Variants in PROX1 observed in about 807,000 individuals in gnomAD.
PROX1 encodes the protein prospero homeobox 1, also known as prospero homeobox protein 1.
Under a neutral mutation model 58.8 loss-of-function variants are expected in PROX1, and 7 were observed. The observed-to-expected ratio is 0.12, with a 90% CI of 0.07 to 0.22. The LOEUF is 0.22. Ranked by LOEUF, PROX1 falls within the 10% of genes least tolerant of loss-of-function variation. PROX1 has a pLI of 1.00. For synonymous variants in PROX1, 350 were observed against 358.3 expected (o/e 0.98, Z 0.26); for missense variants, 675 against 927.8 (o/e 0.73, Z 3.54).
intron 4 of PROX1, among the ~76,000 whole-genome samples, chr1:214,024,072 C>T (rs927612452): frequency 6.6e-6 from 1 of 151,600 alleles, no homozygotes; most frequent in Non-Finnish European, 1.5e-5. Context: ...TTCAACAAGG[C>T]CAGTCCTAGG....
chr1:213,988,968 C>G (rs1662915426), intron 1 of PROX1, among the ~76,000 whole-genome samples: 2 of 152,080 alleles, frequency 1.3e-5, no homozygotes, highest in Admixed American at 1.3e-4. Context: ...CGCTTTCCGC[C>G]AAACCCCATC....
intron 2 of PROX1, 74 bp from the exon 3 acceptor site, chr1:214,005,091 G>C: frequency 8.7e-7 from 1 of 1,155,370 alleles, no homozygotes; most frequent in Non-Finnish European, 1.3e-6. Flanking sequence ...CTCTATGGAG[G>C]TGGGGACTGG....
At position 214,036,523 on chromosome 1, in the gene PROX1, T is replaced by C. The variant is rs1184613825; in HGVS notation, c.*689T>C. 6.6e-6 allele frequency: 1 copy of C among 152,158 alleles called. No homozygotes were observed. The highest frequency in any genetic ancestry group is 2.4e-5 in the African/African-American group (1 of 41,442). The allele number at this position is 152,158 out of a possible 1,614,324, so 9.4% of individuals were successfully genotyped here. Reference sequence around the variant, plus strand: ...CAAAGCAATTTTGCACAAAACCAGCTCTCTCAAGATGAGACTAGAAATTCA... The same window carrying C: ...CAAAGCAATTTTGCACAAAACCAGCCCTCTCAAGATGAGACTAGAAATTCA... On this transcript the variant is annotated 3_prime_UTR_variant, in exon 5 of 5. Coordinates refer to ENST00000366958, the MANE Select transcript of PROX1 (RefSeq NM_001270616.2).
rs774479099 is a variant in PROX1, at chr1:213,996,631, A to G, written c.96A>G (p.Ala32=). The change falls in exon 2 of 5, where the codon GCA becomes GCG. Residue 32 remains alanine (A), a synonymous_variant. Coordinates refer to ENST00000366958, the MANE Select transcript of PROX1 (RefSeq NM_001270616.2). ...AAAGGACGGTAGGGACAGCATCTGCATTTTTTGCTAAGGCAAGAGCAACGT... is the reference window on the plus strand; with the variant it reads ...AAAGGACGGTAGGGACAGCATCTGCGTTTTTTGCTAAGGCAAGAGCAACGT... The part of the protein sequence containing the change: ...GVKRTVGTAS[A]FFAKARATFF... 6.2e-7 allele frequency: 1 copy of G among 1,614,160 alleles called. No homozygotes were observed. Among genetic ancestry groups the G allele is most frequent in the Non-Finnish European group, 8.5e-7 (1 of 1,180,028 alleles).
rs66460564 is a variant in PROX1, at chr1:213,994,750, A to AATATATATAT, written c.-67-1675_-67-1666dup. Among the ~76,000 whole-genome samples, 104 of 88,218 alleles carry AATATATATAT rather than the reference A, an allele frequency of 1.2e-3. 1 individual carries two copies. The highest frequency in any genetic ancestry group is 1.5e-3 in the Non-Finnish European group (67 of 44,678). The allele number at this position is 88,218 out of a possible 152,430, so 57.9% of individuals were successfully genotyped here. On this transcript the variant is annotated intron_variant, in intron 1 of 4. Coordinates refer to ENST00000366958, the MANE Select transcript of PROX1 (RefSeq NM_001270616.2). The stretch of plus-strand genomic sequence containing the variant: ...AAAGTATTTCATTCTCAAGCATGCA[A>AATATATATAT]ATATATATATATATATATATATATA...
chr1:214,001,403 G>A (rs574087005), intron 2 of PROX1, among the ~76,000 whole-genome samples: 1 of 152,164 alleles, frequency 6.6e-6, no homozygotes, highest in African/African-American at 2.4e-5. Context: ...AAAAGAAACA[G>A]TCAGCCAATT....
At chr1:214,011,263 G>C (rs1233415124) in intron 3 of PROX1, among the ~76,000 whole-genome samples, 1 of 152,166 alleles carries the variant, frequency 6.6e-6, no homozygotes, top group Non-Finnish European at 1.5e-5. Flanking sequence ...TTCGGCTTAA[G>C]GAAAGTCTGA....
intron 4 of PROX1, chr1:214,030,904 T>A (rs1342312829): frequency 6.6e-6 from 1 of 152,312 alleles, no homozygotes; most frequent in Non-Finnish European, 1.5e-5. Flanking sequence ...GACAGTCAGT[T>A]TAATAAAACA....
At chr1:213,989,943 G>A (rs1298668073) in intron 1 of PROX1, among the ~76,000 whole-genome samples, 2 of 151,942 alleles carry the variant, frequency 1.3e-5, no homozygotes, top group African/African-American at 4.8e-5. Flanking sequence ...GCTGTTCTTG[G>A]CAACCCAGAA....
chr1:214,010,548 G>A (rs1571821160), intron 3 of PROX1, among the ~76,000 whole-genome samples: 1 of 147,860 alleles, frequency 6.8e-6, no homozygotes, highest in African/African-American at 2.4e-5. Flanking sequence ...GCAGGGGGTT[G>A]TCTGTCAGCC....
rs972087442 is a variant in PROX1, at chr1:214,037,231, T to C, written c.*1397T>C. ...AAACTCGTATGGCATTCACACTTTT[T>C]TTCTTAGGTGGGTTTTTGTGTCCAG... On this transcript the variant is annotated 3_prime_UTR_variant, in exon 5 of 5. Transcript: ENST00000366958. The C allele has an allele frequency of 6.6e-6, 1 of 152,190 alleles. No individual in the cohort carries two copies. The highest frequency in any genetic ancestry group is 1.9e-4 in the East Asian group (1 of 5,196). The allele number at this position is 152,190 out of a possible 1,614,324, so 9.4% of individuals were successfully genotyped here.
At position 214,039,952 on chromosome 1, in the gene PROX1, G is replaced by A. The variant is rs1165077996; in HGVS notation, c.*4118G>A. The A allele has an allele frequency of 6.6e-6, 1 of 152,198 alleles. No homozygotes were observed. The allele number at this position is 152,198 out of a possible 1,614,324, so 9.4% of individuals were successfully genotyped here. A position where few individuals can be genotyped will look rare whatever the true frequency, so the allele number is the denominator to read the frequency against. On this transcript the variant is annotated 3_prime_UTR_variant, in exon 5 of 5. Coordinates refer to ENST00000366958, the MANE Select transcript of PROX1 (RefSeq NM_001270616.2). Reference sequence around the variant, plus strand: ...TACAGACTCCCCTGAAAGAAGCAGTGTATATGTGAAGACAGTGCAAAAATC... The same window carrying A: ...TACAGACTCCCCTGAAAGAAGCAGTATATATGTGAAGACAGTGCAAAAATC...
rs1477554891 is a variant in PROX1, at chr1:214,041,045, A to G, written c.*5211A>G. 6.6e-6 allele frequency: 1 copy of G among 152,154 alleles called. No individual in the cohort carries two copies. Among genetic ancestry groups the G allele is most frequent in the East Asian group, 1.9e-4 (1 of 5,196 alleles). 9.4% of individuals were successfully genotyped at this position (152,154 alleles called of 1,614,324 possible). The stretch of plus-strand genomic sequence containing the variant: ...CTACTAAATTTTAAAACAGGAAAAA[A>G]AAAAGTTGTTGTGGGGAGGGTGGGA... On this transcript the variant is annotated 3_prime_UTR_variant, in exon 5 of 5. Transcript: ENST00000366958.
intron 4 of PROX1, among the ~76,000 whole-genome samples, chr1:214,034,789 C>T (rs1444279754): frequency 6.6e-6 from 1 of 152,020 alleles, no homozygotes; most frequent in Non-Finnish European, 1.5e-5. Context: ...TGATAAGGAC[C>T]TTGAGGAATT....
Position 214,038,380 on chromosome 1 carries a change from T to TAAC in PROX1, c.*2548_*2550dup, listed in dbSNP as rs745331508. 6.6e-6 allele frequency: 1 copy of TAAC among 152,182 alleles called. No individual in the cohort carries two copies. The highest frequency in any genetic ancestry group is 2.4e-5 in the African/African-American group (1 of 41,432). The allele number at this position is 152,182 out of a possible 1,614,324, so 9.4% of individuals were successfully genotyped here. A position where few individuals can be genotyped will look rare whatever the true frequency, so the allele number is the denominator to read the frequency against. The stretch of plus-strand genomic sequence containing the variant: ...AAGCCTGTCTCTCCAAATTCCTATT[T>TAAC]AACAGTTTGATTTTTTTTTTTTAAT... On this transcript the variant is annotated 3_prime_UTR_variant, in exon 5 of 5. Transcript: ENST00000366958.
intron 1 of PROX1, among the ~76,000 whole-genome samples, chr1:213,991,451 T>C (rs1161272941): frequency 6.6e-6 from 1 of 152,196 alleles, no homozygotes; most frequent in Non-Finnish European, 1.5e-5. Flanking sequence ...CCCAATACTT[T>C]CCTTGGATGC....
rs1664999651 is a variant in PROX1 at position 214,041,340 on chromosome 1, A to G, written c.*5506A>G. On this transcript the variant is annotated 3_prime_UTR_variant, in exon 5 of 5. Transcript: ENST00000366958. ...AGGACAGTAGGCTAGTTGTGCCAGTAATGTCAAGTATGGAGATTTTCTTTC... is the reference window on the plus strand; with the variant it reads ...AGGACAGTAGGCTAGTTGTGCCAGTGATGTCAAGTATGGAGATTTTCTTTC... 1 of 152,126 alleles carries G rather than the reference A, an allele frequency of 6.6e-6. No homozygotes were observed. The allele number at this position is 152,126 out of a possible 1,614,324, so 9.4% of individuals were successfully genotyped here.
intron 4 of PROX1, among the ~76,000 whole-genome samples, chr1:214,017,880 T>C (rs1571830323): frequency 6.6e-6 from 1 of 152,324 alleles, no homozygotes; most frequent in East Asian, 1.9e-4. Flanking sequence ...TGTGGAGTGA[T>C]GCCTATTGTC....
At chr1:214,021,069 C>T (rs1034351685) in intron 4 of PROX1, among the ~76,000 whole-genome samples, 3 of 152,206 alleles carry the variant, frequency 2.0e-5, no homozygotes, top group Admixed American at 6.5e-5. Context: ...GGCTCCCCAA[C>T]CCATTGTCAG....
Sources: allele counts gnomAD v4.1 joint callset (sites outside exome capture counted in the v4.1 genomes callset), GRCh38; gene constraint gnomAD v4.1.1; transcripts MANE v1.5; gene names NCBI Gene and HGNC (gene_info 2026-07-23, HGNC 2026-07-21).